HNRNPR: variants seen among roughly 807,000 people sequenced by gnomAD.
The protein encoded by HNRNPR is heterogeneous nuclear ribonucleoprotein R.
Under a neutral mutation model 70.3 loss-of-function variants are expected in HNRNPR, and 4 were observed. That is an observed-to-expected ratio of 0.06 (90% CI 0.03 to 0.13). The LOEUF (loss-of-function observed/expected upper bound fraction) is 0.13. Among genes scored for constraint, HNRNPR ranks in the 10% least tolerant of loss-of-function variants. The probability of loss-of-function intolerance (pLI) is 1.00; values close to 1 mark genes in which losing one functional copy is unlikely to be tolerated. For synonymous variants in HNRNPR, 241 were observed against 267.6 expected (o/e 0.90, Z 0.97); for missense variants, 423 against 788.5 (o/e 0.54, Z 5.55).
At position 23,306,674 on chromosome 1, in the gene HNRNPR, A is replaced by C. The variant is rs887144072; in HGVS notation, c.*3780T>G. ...AAGTATATATATGTACTTTTATTTA[A>C]AGAAAAAAAACTTTTCTAGAAGGAT... On this transcript the variant is annotated 3_prime_UTR_variant, in exon 11 of 11. Coordinates refer to ENST00000302271, the MANE Select transcript of HNRNPR (RefSeq NM_005826.5). 5 of 152,168 alleles carry C rather than the reference A, an allele frequency of 3.3e-5. No homozygotes were observed. The highest frequency in any genetic ancestry group is 9.6e-5 in the African/African-American group (4 of 41,468). The allele number at this position is 152,168 out of a possible 1,614,324, so 9.4% of individuals were successfully genotyped here.
chr1:23,318,957 AG>A lies in HNRNPR; in HGVS notation c.812-270del, dbSNP rs1311827136. ...GACATTTAACATGCTACAATGTTTT[AG>A]AGCGTTTGATATAACATGACTTTAT... On this transcript the variant is annotated intron_variant, in intron 7 of 10. Transcript: ENST00000302271. The surrounding 1 kb of genome is among the most constrained non-coding windows in gnomAD (Gnocchi z 4.2). Among the ~76,000 whole-genome samples the A allele has an allele frequency of 6.6e-6, 1 of 152,218 alleles. No homozygotes were observed. The highest frequency in any genetic ancestry group is 1.5e-5 in the Non-Finnish European group (1 of 68,032).
chr1:23,318,573 C>A lies in HNRNPR; in HGVS notation c.927G>T (p.Leu309=). The A allele has an allele frequency of 1.2e-6, 2 of 1,614,212 alleles. No homozygotes were observed. The highest frequency in any genetic ancestry group is 1.7e-6 in the Non-Finnish European group (2 of 1,180,034). The change falls in exon 8 of 11, where the codon CTG becomes CTT. Residue 309 remains leucine, a synonymous_variant. Transcript: ENST00000302271. The surrounding 1 kb of genome is among the most constrained non-coding windows in gnomAD (Gnocchi z 4.2). ...HKSAAQARRR[L]MSGKVKVWGN... ...CCCACACTTTTACTTTTCCACTCAT[C>A]AGCCGGCGTCTGGCTTGTGCTGCTG...
intron 8 of HNRNPR, among the ~76,000 whole-genome samples, chr1:23,316,838 T>C (rs906945898): frequency 6.6e-6 from 1 of 152,140 alleles, no homozygotes. Context: ...CTCTATCCCT[T>C]TCCTAGACAC....
intron 4 of HNRNPR, among the ~76,000 whole-genome samples, chr1:23,334,113 C>T (rs1271771659): frequency 6.6e-6 from 1 of 152,010 alleles, no homozygotes; most frequent in East Asian, 1.9e-4. Flanking sequence ...GGGGTTTCAC[C>T]ATGTTGGCCA....
chr1:23,341,436 C>T (rs2148499376), intron 1 of HNRNPR, among the ~76,000 whole-genome samples: 1 of 152,214 alleles, frequency 6.6e-6, no homozygotes. Flanking sequence ...ACCACTTAAT[C>T]AAGATTTAAG....
chr1:23,327,383 G>C (rs1284033401), intron 5 of HNRNPR, among the ~76,000 whole-genome samples: 1 of 152,164 alleles, frequency 6.6e-6, no homozygotes, highest in Non-Finnish European at 1.5e-5. Flanking sequence ...TACTGAGAGA[G>C]ACAGACAAAA....
At chr1:23,322,381 G>A (rs640661) in intron 6 of HNRNPR, among the ~76,000 whole-genome samples, 9,099 of 151,950 alleles carry the variant, frequency 0.06, 890 homozygotes, top group African/African-American at 0.21. Flanking sequence ...GACTACAGGC[G>A]TGCGCCACCA....
chr1:23,334,720 G>C (rs532067053), intron 4 of HNRNPR, among the ~76,000 whole-genome samples: 1 of 152,230 alleles, frequency 6.6e-6, no homozygotes, highest in Admixed American at 6.5e-5. Flanking sequence ...GTAAAATCTT[G>C]TGTTTCCTGA....
intron 5 of HNRNPR, among the ~76,000 whole-genome samples, chr1:23,331,405 TAAAA>T (rs59528152): frequency 7.9e-6 from 1 of 127,238 alleles, no homozygotes; most frequent in Non-Finnish European, 1.6e-5. Flanking sequence ...CACAAAAAAT[TAAAA>T]AAAAAAAAAA....
chr1:23,343,926 C>T (rs1015199420), intron 1 of HNRNPR, among the ~76,000 whole-genome samples: 2 of 152,172 alleles, frequency 1.3e-5, no homozygotes, highest in African/African-American at 2.4e-5. Context: ...CGAGCGGAGG[C>T]GGGAAAAGCA....
chr1:23,340,174 G>A (rs1229328483), intron 2 of HNRNPR, among the ~76,000 whole-genome samples: 1 of 152,122 alleles, frequency 6.6e-6, no homozygotes, highest in Non-Finnish European at 1.5e-5. Context: ...CCCAAAGGAG[G>A]AGGACACATT....
At position 23,338,054 on chromosome 1, in the gene HNRNPR, G is replaced by C. The variant is rs1570118292; in HGVS notation, c.277-193C>G. ...AGCAGTAAGGCAGTATAGACCTCAG[G>C]GAGCTTACCTTCTACCCTGGGAAAA... On this transcript the variant is annotated intron_variant, in intron 3 of 10. Transcript: ENST00000302271. 2.9e-5 allele frequency: 14 copies of C among 489,482 alleles called. No homozygotes were observed. In the East Asian group the frequency reaches 4.6e-4, roughly 16 times the overall value. The allele number at this position is 489,482 out of a possible 1,614,324, so 30.3% of individuals were successfully genotyped here. A position where few individuals can be genotyped will look rare whatever the true frequency, so the allele number is the denominator to read the frequency against.
At chr1:23,324,686 AC>A (rs1386202941) in intron 5 of HNRNPR, among the ~76,000 whole-genome samples, 1 of 152,116 alleles carries the variant, frequency 6.6e-6, no homozygotes, top group Non-Finnish European at 1.5e-5. Context: ...ATGAAAAAAA[AC>A]CTCTTCACCA....
intron 7 of HNRNPR, among the ~76,000 whole-genome samples, chr1:23,319,596 G>A (rs755395446): frequency 2.6e-5 from 4 of 152,030 alleles, no homozygotes; most frequent in Non-Finnish European, 4.4e-5. Flanking sequence ...TTCTCTCCAA[G>A]CCCCTATCCA....
chr1:23,340,177 G>A (rs1646658272), intron 2 of HNRNPR, among the ~76,000 whole-genome samples: 1 of 152,090 alleles, frequency 6.6e-6, no homozygotes, highest in East Asian at 1.9e-4. Context: ...AAAGGAGGAG[G>A]ACACATTCAT....
At chr1:23,324,206 ATAAT>A (rs1645870175) in intron 5 of HNRNPR, among the ~76,000 whole-genome samples, 1 of 151,894 alleles carries the variant, frequency 6.6e-6, no homozygotes, top group Admixed American at 6.5e-5. Flanking sequence ...TAAAAATAAA[ATAAT>A]TGAATAAAAG....
chr1:23,331,831 C>CT (rs1333510150), intron 5 of HNRNPR, among the ~76,000 whole-genome samples: 2 of 6,610 alleles, frequency 3.0e-4, no homozygotes, highest in Non-Finnish European at 6.2e-4. Context: ...GAGACTGTTT[C>CT]TTTAAAAAAA....
chr1:23,330,373 A>G (rs2148430415), intron 5 of HNRNPR, among the ~76,000 whole-genome samples: 1 of 152,204 alleles, frequency 6.6e-6, no homozygotes, highest in East Asian at 1.9e-4. Flanking sequence ...CGTCTCTCCT[A>G]AAAATACAAA....
At position 23,309,156 on chromosome 1, in the gene HNRNPR, G is replaced by A. The variant is rs191885267; in HGVS notation, c.*1298C>T. 26 of 152,114 alleles carry A rather than the reference G, an allele frequency of 1.7e-4. No homozygotes were observed. Among genetic ancestry groups the A allele is most frequent in the African/African-American group, 5.1e-4 (21 of 41,534 alleles). 9.4% of individuals were successfully genotyped at this position (152,114 alleles called of 1,614,324 possible). ...GGATAGCAGATAAATAAAAATAAACGAAGTGTTAACAGAAAGTCAAAGGTA... is the reference window on the plus strand; with the variant it reads ...GGATAGCAGATAAATAAAAATAAACAAAGTGTTAACAGAAAGTCAAAGGTA... On this transcript the variant is annotated 3_prime_UTR_variant, in exon 11 of 11. Coordinates refer to ENST00000302271, the MANE Select transcript of HNRNPR (RefSeq NM_005826.5).
Sources: gnomAD v4.1 joint callset for allele counts (sites outside exome capture counted in the v4.1 genomes callset) on GRCh38, gnomAD v4.1.1 for gene constraint, Gnocchi (gnomAD v3.1) non-coding constraint, MANE v1.5 for transcripts, NCBI Gene and HGNC (gene_info 2026-07-23, HGNC 2026-07-21) for gene names.